The following WWOX variants were observed in gnomAD, a reference collection of about 807,000 sequenced individuals.
WWOX encodes WW domain-containing oxidoreductase.
A neutral mutation model predicts 46.2 loss-of-function variants in WWOX; 69 were observed. That is an observed-to-expected ratio of 1.49 (90% CI 1.23 to 1.82). WWOX has a LOEUF of 1.82. WWOX is among the 40% of genes most tolerant of loss of function. The pLI, the probability that WWOX is intolerant of heterozygous loss-of-function variation, is 0.00. For synonymous variants in WWOX, 359 were observed against 202.6 expected, an observed-to-expected ratio of 1.77 and a Z score of -6.56; for missense variants, 919 against 542.6, an observed-to-expected ratio of 1.69 and a Z score of -6.89.
Position 78,750,082 on chromosome 16 carries a change from G to A in WWOX, c.1056+317330G>A, listed in dbSNP as rs190731002. Among the ~76,000 whole-genome samples the A allele has an allele frequency of 1.3e-4, 20 of 152,290 alleles. No individual in the cohort carries two copies. In the East Asian group the frequency reaches 3.3e-3, roughly 25 times the overall value. ...AATAAGACAGCATATGGAAGGCATT[G>A]CTGAAAGTCTTTTTCACACCTTAAA... On this transcript the variant is annotated intron_variant, in intron 8 of 8. Coordinates refer to ENST00000566780, the MANE Select transcript of WWOX (RefSeq NM_016373.4).
intron 6 of WWOX, among the ~76,000 whole-genome samples, chr16:78,409,018 T>C (rs895924506): frequency 1.3e-5 from 2 of 152,196 alleles, no homozygotes; most frequent in Non-Finnish European, 2.9e-5. Context: ...CTCTGATTTC[T>C]TAATGCCACG....
At chr16:78,911,944 G>T (rs2045122993) in intron 8 of WWOX, among the ~76,000 whole-genome samples, 1 of 152,032 alleles carries the variant, frequency 6.6e-6, no homozygotes, top group Admixed American at 6.6e-5. Context: ...GATGCTGCTT[G>T]TTATAAAGGA....
intron 5 of WWOX, among the ~76,000 whole-genome samples, chr16:78,164,568 G>A (rs1428886486): frequency 2.0e-5 from 3 of 152,156 alleles, no homozygotes; most frequent in Admixed American, 6.5e-5. Context: ...AAAATAAAAC[G>A]TGGTGAACGC....
intron 8 of WWOX, among the ~76,000 whole-genome samples, chr16:78,961,643 G>C (rs12449098): frequency 0.044 from 6,754 of 152,166 alleles, 193 homozygotes; most frequent in Middle Eastern, 0.085. Context: ...AAGAGTCTTT[G>C]ATCTTCCAGC....
intron 6 of WWOX, among the ~76,000 whole-genome samples, chr16:78,409,812 A>G (rs949540318): frequency 6.6e-6 from 1 of 152,074 alleles, no homozygotes; most frequent in African/African-American, 2.4e-5. Context: ...CAAAACCAGC[A>G]CTGTTGCATC....
At chr16:78,811,440 CTTCCT>C (rs759704468) in intron 8 of WWOX, among the ~76,000 whole-genome samples, 1 of 151,998 alleles carries the variant, frequency 6.6e-6, no homozygotes, top group East Asian at 1.9e-4. Flanking sequence ...TCCTCCCTTT[CTTCCT>C]TTCCTTTCCC....
chr16:78,500,383 T>A (rs1222510563), intron 8 of WWOX, among the ~76,000 whole-genome samples: 4 of 138,680 alleles, frequency 2.9e-5, no homozygotes, highest in Admixed American at 1.6e-4. Flanking sequence ...TTGCATTTCT[T>A]TCTTCCTTCC....
In WWOX at chr16:78,884,368, G is replaced by A. The variant is rs181182876; in HGVS notation, c.1057-327240G>A. ...TGCCAAAAGACAAGTACAAGAGTGT[G>A]TTTAGCAGCATTATTCATTATAACA... is the stretch of plus-strand genomic sequence containing the variant. On this transcript the variant is annotated intron_variant, in intron 8 of 8. Transcript: ENST00000566780. Among the ~76,000 whole-genome samples the A allele has an allele frequency of 2.0e-5, 3 of 151,528 alleles. No homozygotes were observed. The East Asian group carries it at 5.8e-4, about 29-fold the overall frequency.
intron 8 of WWOX, among the ~76,000 whole-genome samples, chr16:78,845,499 A>G (rs532925502): frequency 1.3e-5 from 2 of 152,346 alleles, no homozygotes; most frequent in Non-Finnish European, 1.5e-5. Flanking sequence ...TTACAGGCTT[A>G]GCATAATATT....
chr16:78,977,860 G>A (rs1251516202), intron 8 of WWOX, among the ~76,000 whole-genome samples: 1 of 152,134 alleles, frequency 6.6e-6, no homozygotes, highest in Non-Finnish European at 1.5e-5. Context: ...CTTCAAGGAC[G>A]CTTTTTGTTT....
At chr16:78,321,105 T>C (rs2080457515) in intron 5 of WWOX, among the ~76,000 whole-genome samples, 2 of 151,954 alleles carry the variant, frequency 1.3e-5, no homozygotes, top group South Asian at 4.1e-4. Flanking sequence ...AGAGTGTCTT[T>C]TAAAGCGTAG....
chr16:78,790,575 A>G (rs1428906837), intron 8 of WWOX, among the ~76,000 whole-genome samples: 1 of 152,228 alleles, frequency 6.6e-6, no homozygotes, highest in African/African-American at 2.4e-5. Flanking sequence ...CATGGAGGAG[A>G]TAAGCAGAAA....
chr16:78,556,228 T>C (rs1413995373), intron 8 of WWOX, among the ~76,000 whole-genome samples: 1 of 151,520 alleles, frequency 6.6e-6, no homozygotes, highest in Non-Finnish European at 1.5e-5. Flanking sequence ...GCAAGGGAGT[T>C]TGGAAATAAA....
chr16:79,166,642 A>G (rs1159203162), intron 8 of WWOX, among the ~76,000 whole-genome samples: 4 of 152,226 alleles, frequency 2.6e-5, no homozygotes, highest in Middle Eastern at 3.4e-3. Flanking sequence ...TTAGGAAGCA[A>G]ACTACCAATT....
intron 8 of WWOX, among the ~76,000 whole-genome samples, chr16:78,935,294 C>G (rs562375309): frequency 6.6e-6 from 1 of 152,160 alleles, no homozygotes; most frequent in Non-Finnish European, 1.5e-5. Context: ...GCTATAAAGA[C>G]ACATGCACAT....
chr16:78,271,338 G>A (rs1303987504), intron 5 of WWOX, among the ~76,000 whole-genome samples: 2 of 152,128 alleles, frequency 1.3e-5, no homozygotes, highest in Non-Finnish European at 2.9e-5. Flanking sequence ...ATGTAAACTC[G>A]CTCTTGCTTC....
intron 8 of WWOX, among the ~76,000 whole-genome samples, chr16:78,436,864 T>G (rs1430817292): frequency 6.6e-6 from 1 of 152,244 alleles, no homozygotes; most frequent in Non-Finnish European, 1.5e-5. Flanking sequence ...TGCATCAGTT[T>G]CTTGGACAAA....
chr16:78,831,447 G>T (rs1214358510), intron 8 of WWOX, among the ~76,000 whole-genome samples: 2 of 152,148 alleles, frequency 1.3e-5, no homozygotes, highest in South Asian at 2.1e-4. Context: ...GAATAAAATG[G>T]GTGCTCTAGG....
rs146481440 is a variant in WWOX, at chr16:79,211,849, C to G, written c.*53C>G. 5 of 1,609,510 alleles carry G rather than the reference C, an allele frequency of 3.1e-6. No individual in the cohort carries two copies. Among genetic ancestry groups the G allele is most frequent in the African/African-American group, 2.7e-5 (2 of 74,912 alleles). On this transcript the variant is annotated 3_prime_UTR_variant, in exon 9 of 9. Transcript: ENST00000566780. ...CACCCGCCCTGTGTGTGTCCCCTCACGCAAGTGCCAGGGCTGGGCCCCTTC... is the reference window on the plus strand; with the variant it reads ...CACCCGCCCTGTGTGTGTCCCCTCAGGCAAGTGCCAGGGCTGGGCCCCTTC...
Sources: allele counts gnomAD v4.1 joint callset (sites outside exome capture counted in the v4.1 genomes callset), GRCh38; gene constraint gnomAD v4.1.1; transcripts MANE v1.5; gene names NCBI Gene and HGNC (gene_info 2026-07-23, HGNC 2026-07-21).